The following RCBTB1 variants were observed in gnomAD, a reference collection of about 807,000 sequenced individuals.
RCBTB1 encodes RCC1 and BTB domain-containing protein 1.
Under a neutral mutation model 62.4 loss-of-function variants are expected in RCBTB1, and 46 were observed. The ratio of observed to expected loss-of-function variants is 0.74; its 90% CI spans 0.58 to 0.94. The LOEUF (loss-of-function observed/expected upper bound fraction) is 0.94, where lower values mean the gene tolerates loss of function less well. Among genes scored for constraint, RCBTB1 ranks in the 40% least tolerant of loss-of-function variants. The pLI, the probability that RCBTB1 is intolerant of heterozygous loss-of-function variation, is 0.00. For missense variants in RCBTB1, 565 were observed against 654.9 expected (o/e 0.86, Z 1.50); for synonymous variants, 222 against 245.8 (o/e 0.90, Z 0.91).
Position 49,549,525 on chromosome 13 carries a change from G to C in RCBTB1, c.978C>G (p.Phe326Leu). 1.2e-6 allele frequency: 2 copies of C among 1,614,078 alleles called. No homozygotes were observed. The highest frequency in any genetic ancestry group is 1.7e-6 in the Non-Finnish European group (2 of 1,179,980). Residue 326 changes from phenylalanine (F) to leucine (L), a missense_variant, in exon 9 of 13, where the codon TTC becomes TTG. Coordinates refer to ENST00000378302, the MANE Select transcript of RCBTB1 (RefSeq NM_018191.4). ...QSVILPHLTH[F>L]SCTDDVFACF... Reference sequence around the variant, plus strand: ...AGGCAAACACGTCGTCGGTGCAGGAGAAGTGGGTGAGGTGCGGGAGGATCA... The same window carrying C: ...AGGCAAACACGTCGTCGGTGCAGGACAAGTGGGTGAGGTGCGGGAGGATCA...
intron 8 of RCBTB1, chr13:49,549,889 C>T (rs758477566): frequency 6.1e-6 from 6 of 985,228 alleles, no homozygotes; most frequent in African/African-American, 3.5e-5. Flanking sequence ...TCACACAGAC[C>T]GCCGAGGAAA....
Position 49,544,701 on chromosome 13 carries a change from C to A in RCBTB1, c.1172+36G>T. The A allele has an allele frequency of 1.9e-6, 3 of 1,559,438 alleles. No homozygotes were observed. In the South Asian group the frequency reaches 3.5e-5, roughly 18 times the overall value. On this transcript the variant is annotated intron_variant, in intron 10 of 12. Transcript: ENST00000378302. ...TGTGGAATAACAAAGAAAGAAAAGT[C>A]AAGTTATTGATGTCTCTGAGCTCAT...
intron 2 of RCBTB1, among the ~76,000 whole-genome samples, chr13:49,578,848 T>G (rs1297765296): frequency 6.6e-6 from 1 of 152,244 alleles, no homozygotes; most frequent in African/African-American, 2.4e-5. Context: ...ATGTTCCATT[T>G]GAGCACAAAA....
chr13:49,552,416 G>C (rs1433864481), intron 6 of RCBTB1, 131 bp from the exon 7 acceptor site: 4 of 582,408 alleles, frequency 6.9e-6, no homozygotes, highest in African/African-American at 5.7e-5. Context: ...TCCTGCAACT[G>C]ATCTCCAAAC....
intron 12 of RCBTB1, among the ~76,000 whole-genome samples, chr13:49,535,745 C>T (rs1001483066): frequency 2.6e-5 from 4 of 152,142 alleles, no homozygotes; most frequent in African/African-American, 9.7e-5. Context: ...AAACCACAGG[C>T]CAGGCGTGGT....
In RCBTB1 at chr13:49,549,696, C is replaced by G. The variant is rs3751381; in HGVS notation, c.855-48G>C. Reference sequence around the variant, plus strand: ...CATGTTACTTCATGATCACAGAAGCCCACAGCACACCACACAAGGCAATTT... The same window carrying G: ...CATGTTACTTCATGATCACAGAAGCGCACAGCACACCACACAAGGCAATTT... On this transcript the variant is annotated intron_variant, in intron 8 of 12. Coordinates refer to ENST00000378302, the MANE Select transcript of RCBTB1 (RefSeq NM_018191.4). 273,984 of 1,555,944 alleles carry G rather than the reference C, an allele frequency of 0.18. 29,199 individuals are homozygous for G. The highest frequency in any genetic ancestry group is 0.45 in the African/African-American group (32,900 of 73,494).
At chr13:49,565,234 C>T (rs549531152) in intron 4 of RCBTB1, among the ~76,000 whole-genome samples, 82 of 152,340 alleles carry the variant, frequency 5.4e-4, no homozygotes, top group African/African-American at 1.9e-3. Context: ...CCGGGTTGGT[C>T]TCCAGCTCCT....
In RCBTB1 at chr13:49,549,636, A is replaced by G. The variant is rs1961156778; in HGVS notation, c.867T>C (p.Ile289=). Residue 289 remains isoleucine, a synonymous_variant, in exon 9 of 13, where the codon ATT becomes ATC. Transcript: ENST00000378302. ...IMVEKERVVE[I]AACHSAHTSA... is the part of the protein sequence containing the mutation. Reference sequence around the variant, plus strand: ...ACGTGTGGGCAGAGTGACAGGCTGCAATCTCTACCACCCTGAAAAGTTTTA... The same window carrying G: ...ACGTGTGGGCAGAGTGACAGGCTGCGATCTCTACCACCCTGAAAAGTTTTA... 6.2e-7 allele frequency: 1 copy of G among 1,610,886 alleles called. No individual in the cohort carries two copies. The highest frequency in any genetic ancestry group is 1.3e-5 in the African/African-American group (1 of 74,814).
At chr13:49,579,261 ATG>A (rs1963955163) in intron 2 of RCBTB1, among the ~76,000 whole-genome samples, 7 of 152,176 alleles carry the variant, frequency 4.6e-5, no homozygotes, top group Admixed American at 2.0e-4. Context: ...AGACACTAAT[ATG>A]TTATTGCCCC....
chr13:49,570,287 C>G (rs948693557), intron 2 of RCBTB1, among the ~76,000 whole-genome samples: 1 of 152,232 alleles, frequency 6.6e-6, no homozygotes, highest in Admixed American at 6.5e-5. Flanking sequence ...CAAGATCAAG[C>G]TAACCTTCAT....
intron 11 of RCBTB1, 36 bp from the exon 12 acceptor site, chr13:49,541,042 TATA>T: frequency 6.3e-7 from 1 of 1,586,474 alleles, no homozygotes; most frequent in Non-Finnish European, 8.6e-7. Context: ...TAATCAAATG[TATA>T]ATAATTTCCA....
chr13:49,581,195 AGAC>A (rs1223526971), intron 1 of RCBTB1, among the ~76,000 whole-genome samples: 1 of 152,168 alleles, frequency 6.6e-6, no homozygotes, highest in Non-Finnish European at 1.5e-5. Flanking sequence ...CAGAGACATG[AGAC>A]GACAAAGGAG....
chr13:49,553,222 C>A (rs531726966), intron 6 of RCBTB1, among the ~76,000 whole-genome samples: 86 of 152,230 alleles, frequency 5.6e-4, no homozygotes, highest in African/African-American at 1.9e-3. Context: ...GACAAAAAAC[C>A]TACCAGGGAA....
At chr13:49,560,782 G>A (rs1393473188) in intron 4 of RCBTB1, among the ~76,000 whole-genome samples, 2 of 152,196 alleles carry the variant, frequency 1.3e-5, no homozygotes, top group Non-Finnish European at 1.5e-5. Context: ...AGCAACACCT[G>A]GAGGCATTGT....
chr13:49,574,039 CT>C (rs200175783), intron 2 of RCBTB1, among the ~76,000 whole-genome samples: 2,271 of 150,346 alleles, frequency 0.015, 50 homozygotes, highest in African/African-American at 0.052. Flanking sequence ...CCACCTGGGC[CT>C]CCCAAAGTGC....
chr13:49,577,380 A>G (rs1193629105), intron 2 of RCBTB1, among the ~76,000 whole-genome samples: 1 of 152,236 alleles, frequency 6.6e-6, no homozygotes, highest in Admixed American at 6.5e-5. Flanking sequence ...ACAACAGGAA[A>G]TGGAGAGAAA....
In RCBTB1 at chr13:49,532,055, T is replaced by C. The variant is rs950153131; in HGVS notation, c.*2067A>G. 1 of 152,610 alleles carries C rather than the reference T, an allele frequency of 6.6e-6. No homozygotes were observed. Among genetic ancestry groups the C allele is most frequent in the Non-Finnish European group, 1.5e-5 (1 of 68,032 alleles). The allele number at this position is 152,610 out of a possible 1,614,324, so 9.5% of individuals were successfully genotyped here. On this transcript the variant is annotated 3_prime_UTR_variant, in exon 13 of 13. Transcript: ENST00000378302. ...TTCCAGTAAGAAGTTCAAGAGTACA[T>C]TTAGGGCTATCTTAAGAAATATGAA... is the stretch of plus-strand genomic sequence containing the variant.
rs114913654 is a variant in RCBTB1, at chr13:49,553,388, T to G, written c.604-1103A>C. The stretch of plus-strand genomic sequence containing the variant: ...ATTTCTTCCCTCGTTAGCAAATAGG[T>G]GAGCTCTGATGAGGCTCTAAACTAA... On this transcript the variant is annotated intron_variant, in intron 6 of 12. Transcript: ENST00000378302. Among the ~76,000 whole-genome samples the G allele has an allele frequency of 8.1e-3, 1,234 of 152,200 alleles. 12 individuals carry two copies. Among genetic ancestry groups the G allele is most frequent in the African/African-American group, 0.028 (1,167 of 41,540 alleles).
chr13:49,555,766 T>A, intron 5 of RCBTB1, 93 bp from the exon 6 acceptor site: 1 of 915,920 alleles, frequency 1.1e-6, no homozygotes, highest in Non-Finnish European at 1.6e-6. Context: ...TTATCCTACT[T>A]AATGAGTACT....
Sources: allele counts gnomAD v4.1 joint callset (sites outside exome capture counted in the v4.1 genomes callset), GRCh38; gene constraint gnomAD v4.1.1; transcripts MANE v1.5; gene names NCBI Gene and HGNC (gene_info 2026-07-23, HGNC 2026-07-21).